The following SNTG2 variants were observed in gnomAD, a reference collection of about 807,000 sequenced individuals.
SNTG2 encodes syntrophin gamma 2, also known as gamma-2-syntrophin.
In SNTG2, 74 loss-of-function variants were observed where a neutral mutation model predicts 70.9. That is an observed-to-expected ratio of 1.04 (90% CI 0.86 to 1.27). The LOEUF is 1.27. Among genes scored for constraint, SNTG2 ranks in the 50% most tolerant of loss-of-function variants. SNTG2 has a pLI of 0.00. For synonymous variants in SNTG2, 278 were observed against 273.8 expected (o/e 1.02, Z -0.15); for missense variants, 717 against 690.7 (o/e 1.04, Z -0.43).
chr2:1,006,338 T>G (rs1471900837), intron 1 of SNTG2, among the ~76,000 whole-genome samples: 1 of 152,058 alleles, frequency 6.6e-6, no homozygotes, highest in Admixed American at 6.5e-5. Flanking sequence ...AATGCATTGA[T>G]TATATACATA....
At chr2:1,102,181 A>G (rs1319464222) in intron 4 of SNTG2, among the ~76,000 whole-genome samples, 1 of 152,224 alleles carries the variant, frequency 6.6e-6, no homozygotes, top group African/African-American at 2.4e-5. Context: ...ACCGTGGTAC[A>G]GAGGAGACGG....
chr2:968,390 C>G (rs1286939591), intron 1 of SNTG2, among the ~76,000 whole-genome samples: 1 of 152,100 alleles, frequency 6.6e-6, no homozygotes, highest in Admixed American at 6.6e-5. Flanking sequence ...AAATCAGTCT[C>G]CCAGTTAATT....
chr2:1,134,951 C>T (rs1044778893), intron 4 of SNTG2, among the ~76,000 whole-genome samples: 2 of 152,204 alleles, frequency 1.3e-5, no homozygotes, highest in Non-Finnish European at 1.5e-5. Flanking sequence ...ACACCCTCCG[C>T]AGCCGCTGGC....
chr2:1,003,903 C>T (rs1659485894), intron 1 of SNTG2, among the ~76,000 whole-genome samples: 1 of 152,140 alleles, frequency 6.6e-6, no homozygotes, highest in South Asian at 2.1e-4. Context: ...TTGTAATTTG[C>T]TAGGCTTCTC....
chr2:1,167,258 A>T (rs6739070), intron 7 of SNTG2, among the ~76,000 whole-genome samples: 4,885 of 127,632 alleles, frequency 0.038, 241 homozygotes, highest in African/African-American at 0.14. Context: ...AACTGAAACC[A>T]ACAAGCCGCC....
intron 9 of SNTG2, among the ~76,000 whole-genome samples, chr2:1,233,910 C>G (rs908313111): frequency 6.6e-6 from 1 of 151,920 alleles, no homozygotes; most frequent in Non-Finnish European, 1.5e-5. Context: ...CGGTGGACCC[C>G]GGGGTGCCAA....
At position 1,177,213 on chromosome 2, in the gene SNTG2, G is replaced by A. The variant is rs774543947; in HGVS notation, c.591+4030G>A. On this transcript the variant is annotated intron_variant, in intron 8 of 16. Coordinates refer to ENST00000308624, the MANE Select transcript of SNTG2 (RefSeq NM_018968.4). ...ATGAAGCTGGAAGCCATTATCCTCAGCAAAATAAGGCAGGAACAGAAAAGC... is the reference window on the plus strand; with the variant it reads ...ATGAAGCTGGAAGCCATTATCCTCAACAAAATAAGGCAGGAACAGAAAAGC... Among the ~76,000 whole-genome samples, 4 of 152,120 alleles carry A rather than the reference G, an allele frequency of 2.6e-5. No individual in the cohort carries two copies. The East Asian group carries it at 5.8e-4, about 22-fold the overall frequency.
At chr2:1,310,353 G>A (rs1194167033) in intron 15 of SNTG2, among the ~76,000 whole-genome samples, 3 of 152,132 alleles carry the variant, frequency 2.0e-5, no homozygotes, top group Non-Finnish European at 4.4e-5. Context: ...CCCAGCCAGC[G>A]CCTCTCACCC....
intron 8 of SNTG2, among the ~76,000 whole-genome samples, chr2:1,174,777 A>G (rs540233856): frequency 1.3e-5 from 2 of 152,206 alleles, no homozygotes; most frequent in East Asian, 1.9e-4. Context: ...CATCATTACT[A>G]ATGAGTTTTG....
intron 1 of SNTG2, among the ~76,000 whole-genome samples, chr2:1,040,346 G>A (rs1003203452): frequency 8.5e-5 from 13 of 152,182 alleles, no homozygotes; most frequent in Admixed American, 1.3e-4. Context: ...TCACCTGCTC[G>A]CCTCCCTATA....
At chr2:993,142 G>A (rs938071858) in intron 1 of SNTG2, among the ~76,000 whole-genome samples, 2 of 144,662 alleles carry the variant, frequency 1.4e-5, no homozygotes, top group Non-Finnish European at 1.5e-5. Context: ...AGTTACATAT[G>A]TATACATGTG....
chr2:996,592 A>G (rs1012906762), intron 1 of SNTG2, among the ~76,000 whole-genome samples: 54 of 150,716 alleles, frequency 3.6e-4, no homozygotes, highest in Admixed American at 3.1e-3. Context: ...CTACATCTAC[A>G]TATATATGTA....
rs540178756 is a variant in SNTG2 at position 1,296,014 on chromosome 2, G to A, written c.1285-12480G>A. 8.2e-5 allele frequency among the ~76,000 whole-genome samples: 12 copies of A among 146,548 alleles called. No individual in the cohort carries two copies. The South Asian group carries it at 1.6e-3, about 19-fold the overall frequency. Reference sequence around the variant, plus strand: ...GGAGGGCCAGGCAGACGTCACCATCGATGGCTTTCACTGTAGAAGGCTGAG... The same window carrying A: ...GGAGGGCCAGGCAGACGTCACCATCAATGGCTTTCACTGTAGAAGGCTGAG... On this transcript the variant is annotated intron_variant, in intron 14 of 16. Coordinates refer to ENST00000308624, the MANE Select transcript of SNTG2 (RefSeq NM_018968.4).
At chr2:1,282,200 G>C (rs899623728) in intron 14 of SNTG2, among the ~76,000 whole-genome samples, 3 of 152,102 alleles carry the variant, frequency 2.0e-5, no homozygotes, top group Non-Finnish European at 4.4e-5. Context: ...GTGAGTGTGG[G>C]ATTCTCTTCC....
In SNTG2 at chr2:1,319,254, G is replaced by A. The variant is rs1393892514; in HGVS notation, c.1488+2879G>A. Among the ~76,000 whole-genome samples the A allele has an allele frequency of 2.0e-5, 3 of 152,206 alleles. No individual in the cohort carries two copies. In the East Asian group the frequency reaches 5.8e-4, roughly 29 times the overall value. On this transcript the variant is annotated intron_variant, in intron 16 of 16. Transcript: ENST00000308624. ...TTGGATTGCATCTATTTCCATCGTG[G>A]GTTGGTGGAAAAGAGAACGCCCCAG...
At chr2:1,363,811 C>T (rs1661327778) in intron 16 of SNTG2, among the ~76,000 whole-genome samples, 1 of 152,170 alleles carries the variant, frequency 6.6e-6, no homozygotes, top group African/African-American at 2.4e-5. Context: ...CAGTGAAATG[C>T]CCACAGGATG....
intron 6 of SNTG2, among the ~76,000 whole-genome samples, chr2:1,156,236 G>A (rs531883858): frequency 3.9e-5 from 6 of 152,264 alleles, no homozygotes; most frequent in African/African-American, 9.6e-5. Flanking sequence ...AGGACGAGGC[G>A]AATGCATGGG....
intron 1 of SNTG2, among the ~76,000 whole-genome samples, chr2:1,000,684 A>T (rs541744217): frequency 6.6e-6 from 1 of 151,938 alleles, no homozygotes; most frequent in East Asian, 1.9e-4. Context: ...ATTATACTAG[A>T]TGTACAAAGA....
chr2:1,233,966 A>G (rs904717478), intron 9 of SNTG2, among the ~76,000 whole-genome samples: 3 of 151,940 alleles, frequency 2.0e-5, no homozygotes, highest in African/African-American at 4.8e-5. Context: ...GCAGCTTCCT[A>G]CAATCTCATG....
Sources: gnomAD v4.1 joint callset for allele counts (sites outside exome capture counted in the v4.1 genomes callset) on GRCh38, gnomAD v4.1.1 for gene constraint, MANE v1.5 for transcripts, NCBI Gene and HGNC (gene_info 2026-07-23, HGNC 2026-07-21) for gene names.